The following STXBP6 variants were observed in gnomAD, a reference collection of about 807,000 sequenced individuals.
The protein encoded by STXBP6 is syntaxin-binding protein 6.
In STXBP6, 21 loss-of-function variants were observed where a neutral mutation model predicts 26.9. The observed-to-expected ratio is 0.78, with a 90% CI of 0.55 to 1.12. STXBP6 has a LOEUF of 1.12. STXBP6 is among the 50% of genes most tolerant of loss of function. STXBP6 has a pLI of 0.00. For missense variants in STXBP6, 232 were observed against 257.9 expected (o/e 0.90, Z 0.69); for synonymous variants, 97 against 92.6 (o/e 1.05, Z -0.27).
At chr14:24,813,845 A>T (rs527343849) in intron 5 of STXBP6, among the ~76,000 whole-genome samples, 2 of 152,334 alleles carry the variant, frequency 1.3e-5, no homozygotes, top group African/African-American at 4.8e-5. Flanking sequence ...GACATCTTCA[A>T]CAAATAAATT....
Position 24,890,025 on chromosome 14 carries a change from T to C in STXBP6, c.155-32868A>G, listed in dbSNP as rs565947622. On this transcript the variant is annotated intron_variant, in intron 2 of 5. Coordinates refer to ENST00000323944, the MANE Select transcript of STXBP6 (RefSeq NM_001394410.1). ...ACTAGAGCCACTAATTCCAGAAGCA[T>C]GTTATTACTGCCAGGATCAGGGAGT... 5.9e-5 allele frequency among the ~76,000 whole-genome samples: 9 copies of C among 152,328 alleles called. No homozygotes were observed. The South Asian group carries it at 1.9e-3, about 32-fold the overall frequency.
intron 2 of STXBP6, among the ~76,000 whole-genome samples, chr14:24,964,947 G>GT (rs2073685376): frequency 6.6e-6 from 1 of 152,132 alleles, no homozygotes; most frequent in South Asian, 2.1e-4. Flanking sequence ...CTGTGAAGCA[G>GT]GATAAAGAGG....
At chr14:24,911,177 A>G (rs2071558461) in intron 2 of STXBP6, among the ~76,000 whole-genome samples, 1 of 151,800 alleles carries the variant, frequency 6.6e-6, no homozygotes, top group South Asian at 2.1e-4. Context: ...CAAACAAAAA[A>G]CAAAAAAAAA....
intron 4 of STXBP6, among the ~76,000 whole-genome samples, chr14:24,832,834 C>T (rs1028375161): frequency 6.6e-6 from 1 of 152,158 alleles, no homozygotes; most frequent in African/African-American, 2.4e-5. Flanking sequence ...CCAAATGCAA[C>T]CCATTTCCAT....
At chr14:25,020,901 G>A (rs1460489412) in intron 1 of STXBP6, among the ~76,000 whole-genome samples, 1 of 152,132 alleles carries the variant, frequency 6.6e-6, no homozygotes, top group Admixed American at 6.6e-5. Flanking sequence ...CTCTGTCTGT[G>A]TCTACAACTG....
intron 2 of STXBP6, among the ~76,000 whole-genome samples, chr14:24,948,528 C>T (rs2073065350): frequency 1.3e-5 from 2 of 152,088 alleles, no homozygotes; most frequent in Admixed American, 6.6e-5. Context: ...TTTCTGAGTT[C>T]AGAGAACTCT....
At chr14:24,824,963 A>C (rs568990613) in intron 4 of STXBP6, among the ~76,000 whole-genome samples, 244 of 152,356 alleles carry the variant, frequency 1.6e-3, no homozygotes, top group African/African-American at 5.4e-3. Context: ...CTATGTCGGC[A>C]TTTGCCAAAG....
chr14:24,965,018 T>C (rs535672658), intron 2 of STXBP6, among the ~76,000 whole-genome samples: 1 of 152,200 alleles, frequency 6.6e-6, no homozygotes, highest in Non-Finnish European at 1.5e-5. Context: ...TTCATGACAT[T>C]AGAGTGGAAA....
intron 1 of STXBP6, among the ~76,000 whole-genome samples, chr14:25,007,516 A>T (rs955040629): frequency 6.6e-6 from 1 of 152,066 alleles, no homozygotes; most frequent in Non-Finnish European, 1.5e-5. Context: ...CACAATTCCC[A>T]TCCCCTTCCC....
intron 4 of STXBP6, among the ~76,000 whole-genome samples, chr14:24,838,264 G>A (rs1162679938): frequency 6.6e-6 from 1 of 152,176 alleles, no homozygotes; most frequent in African/African-American, 2.4e-5. Flanking sequence ...ACCCAACTCG[G>A]CCTCCCAAAA....
chr14:25,011,155 A>G (rs1010104890), intron 1 of STXBP6, among the ~76,000 whole-genome samples: 4 of 152,228 alleles, frequency 2.6e-5, no homozygotes, highest in Non-Finnish European at 5.9e-5. Context: ...ACTTTCCAAC[A>G]AAGAAATTTA....
In STXBP6 at chr14:25,049,886, C is replaced by G; in HGVS notation, c.-41G>C. ...CCTCGCCCCGGTCCTACCGTGCAGC[C>G]TGGCTCGCGCCCCTGCCGTGCCAGT... On this transcript the variant is annotated 5_prime_UTR_variant, in exon 1 of 6. Coordinates refer to ENST00000323944, the MANE Select transcript of STXBP6 (RefSeq NM_001394410.1). The surrounding 1 kb of genome is among the most constrained non-coding windows in gnomAD (Gnocchi z 5.6). 1 of 985,246 alleles carries G rather than the reference C, an allele frequency of 1.0e-6. No homozygotes were observed. The highest frequency in any genetic ancestry group is 1.2e-6 in the Non-Finnish European group (1 of 829,834). The allele number at this position is 985,246 out of a possible 1,614,324, so 61.0% of individuals were successfully genotyped here.
intron 1 of STXBP6, among the ~76,000 whole-genome samples, chr14:25,027,004 C>G (rs772231819): frequency 5.9e-5 from 9 of 152,188 alleles, no homozygotes; most frequent in South Asian, 2.1e-4. Context: ...TTGTTAGGAG[C>G]TAACTCCTAT....
chr14:24,894,562 G>C (rs1251613941), intron 2 of STXBP6, among the ~76,000 whole-genome samples: 2 of 152,158 alleles, frequency 1.3e-5, no homozygotes, highest in Non-Finnish European at 2.9e-5. Context: ...GCCCTAAGCA[G>C]ATTCCATATC....
intron 2 of STXBP6, among the ~76,000 whole-genome samples, chr14:24,904,631 T>C (rs1195277101): frequency 6.6e-6 from 1 of 152,136 alleles, no homozygotes; most frequent in Non-Finnish European, 1.5e-5. Flanking sequence ...ATAGGAATGA[T>C]ATCCTTGTAA....
At chr14:24,903,491 T>G (rs945100954) in intron 2 of STXBP6, among the ~76,000 whole-genome samples, 1 of 152,190 alleles carries the variant, frequency 6.6e-6, no homozygotes, top group Admixed American at 6.5e-5. Context: ...TCATCTTGAT[T>G]TTTTTAGTAC....
At chr14:25,020,368 A>T (rs2075239536) in intron 1 of STXBP6, among the ~76,000 whole-genome samples, 1 of 152,236 alleles carries the variant, frequency 6.6e-6, no homozygotes, top group Admixed American at 6.5e-5. Flanking sequence ...GTGAACCCAA[A>T]TATACTCCTC....
At chr14:24,887,219 G>A (rs999063101) in intron 2 of STXBP6, among the ~76,000 whole-genome samples, 8 of 152,000 alleles carry the variant, frequency 5.3e-5, no homozygotes, top group African/African-American at 9.7e-5. Context: ...TATAAAAAGC[G>A]GTAAAGGTAA....
In STXBP6 at chr14:25,030,955, C is replaced by T. The variant is rs146521462; in HGVS notation, c.-33+18923G>A. On this transcript the variant is annotated intron_variant, in intron 1 of 5. Coordinates refer to ENST00000323944, the MANE Select transcript of STXBP6 (RefSeq NM_001394410.1). ...AAAAAAAATCACAAGTTCCAGAATA[C>T]ACCTCTCATAAAAACCAAGAAAGGA... Among the ~76,000 whole-genome samples the T allele has an allele frequency of 3.8e-3, 570 of 151,804 alleles. 1 individual carries two copies. The highest frequency in any genetic ancestry group is 5.9e-3 in the Non-Finnish European group (403 of 67,924).
Sources: gnomAD v4.1 joint callset for allele counts (sites outside exome capture counted in the v4.1 genomes callset) on GRCh38, gnomAD v4.1.1 for gene constraint, Gnocchi (gnomAD v3.1) non-coding constraint, MANE v1.5 for transcripts, NCBI Gene and HGNC (gene_info 2026-07-23, HGNC 2026-07-21) for gene names.